GALNT5: variants seen among roughly 807,000 people sequenced by gnomAD.
The protein encoded by GALNT5 is polypeptide N-acetylgalactosaminyltransferase 5.
GALNT5 carries 72 observed loss-of-function variants against 85.4 expected under a neutral mutation model. That is an observed-to-expected ratio of 0.84 (90% CI 0.70 to 1.03). The LOEUF is 1.03. Ranked by LOEUF, GALNT5 falls within the 50% of genes least tolerant of loss-of-function variation. The pLI is 0.00. For missense variants in GALNT5, 1,137 were observed against 1,135.5 expected (o/e 1.00, Z -0.02); for synonymous variants, 404 against 397.0 (o/e 1.02, Z -0.21).
intron 7 of GALNT5, among the ~76,000 whole-genome samples, chr2:157,303,580 T>C (rs886269770): frequency 2.0e-5 from 3 of 152,098 alleles, no homozygotes; most frequent in Admixed American, 1.3e-4. Flanking sequence ...TGAAAACAAC[T>C]AATAATGAAA....
chr2:157,275,605 C>T (rs1218596699), intron 1 of GALNT5, among the ~76,000 whole-genome samples: 1 of 152,176 alleles, frequency 6.6e-6, no homozygotes, highest in Admixed American at 6.5e-5. Flanking sequence ...TCGGAGTTCA[C>T]TAATGATTTG....
intron 5 of GALNT5, 57 bp downstream of exon 5, chr2:157,296,570 T>TA (rs1317682010): frequency 3.2e-5 from 44 of 1,373,126 alleles, no homozygotes; most frequent in Admixed American, 8.8e-5. Context: ...GTAAAAGCAT[T>TA]AAAAAATTCT....
chr2:157,277,209 T>C (rs1290998116), intron 1 of GALNT5, among the ~76,000 whole-genome samples: 1 of 152,248 alleles, frequency 6.6e-6, no homozygotes, highest in Non-Finnish European at 1.5e-5. Context: ...ATTTCTGTTA[T>C]TTTACATTTG....
Position 157,299,613 on chromosome 2 carries a change from A to G in GALNT5, c.2063A>G (p.Tyr688Cys). 1 of 1,613,430 alleles carries G rather than the reference A, an allele frequency of 6.2e-7. No homozygotes were observed. Among genetic ancestry groups the G allele is most frequent in the Non-Finnish European group, 8.5e-7 (1 of 1,179,350 alleles). Residue 688 changes from tyrosine to cysteine, a missense_variant, in exon 6 of 10, where the codon TAC becomes TGC. Transcript: ENST00000259056. The part of the protein sequence containing the change: ...DKSYFFELGT[Y>C]DPGLDVWGGE... Reference sequence around the variant, plus strand: ...AGTTACTTTTTTGAACTTGGAACATACGACCCTGGCCTTGATGTTTGGGGT... The same window carrying G: ...AGTTACTTTTTTGAACTTGGAACATGCGACCCTGGCCTTGATGTTTGGGGT...
Position 157,284,342 on chromosome 2 carries a change from G to A in GALNT5, c.1515G>A (p.Val505=). Residue 505 remains valine, a synonymous_variant, in exon 2 of 10, where the codon GTG becomes GTA. Transcript: ENST00000259056. ...LPTTSVIMCF[V]DEVWSTLLRS... ...CCACCAGTGTCATCATGTGCTTTGT[G>A]GATGAAGTGTGGTCCACTCTCCTGA... is the stretch of plus-strand genomic sequence containing the variant. 6.2e-7 allele frequency: 1 copy of A among 1,613,892 alleles called. No homozygotes were observed. The highest frequency in any genetic ancestry group is 8.5e-7 in the Non-Finnish European group (1 of 1,179,808).
At chr2:157,287,211 A>G (rs1044496892) in intron 3 of GALNT5, among the ~76,000 whole-genome samples, 2 of 152,200 alleles carry the variant, frequency 1.3e-5, no homozygotes, top group Non-Finnish European at 2.9e-5. Context: ...ACATTGATCC[A>G]TGAAAATATT....
At chr2:157,261,697 CT>C (rs1682343459) in intron 1 of GALNT5, among the ~76,000 whole-genome samples, 1 of 152,088 alleles carries the variant, frequency 6.6e-6, no homozygotes, top group Non-Finnish European at 1.5e-5. Flanking sequence ...ATTTTTTGTT[CT>C]TTTACCCAAA....
intron 5 of GALNT5, among the ~76,000 whole-genome samples, chr2:157,298,129 G>C (rs1186124360): frequency 3.9e-5 from 6 of 152,164 alleles, no homozygotes; most frequent in Non-Finnish European, 7.3e-5. Flanking sequence ...ATAGGGTCTG[G>C]AGGCAAGAAG....
chr2:157,296,759 C>T (rs1683221838), intron 5 of GALNT5, among the ~76,000 whole-genome samples: 1 of 152,160 alleles, frequency 6.6e-6, no homozygotes, highest in Non-Finnish European at 1.5e-5. Flanking sequence ...ATCCTGTCCC[C>T]TAGGATTTGC....
chr2:157,298,778 C>T (rs913821728), intron 5 of GALNT5: 1 of 152,280 alleles, frequency 6.6e-6, no homozygotes, highest in African/African-American at 2.4e-5. Flanking sequence ...AGAGGCAGTA[C>T]AGTGGAGTGA....
chr2:157,305,977 G>C, intron 8 of GALNT5, 148 bp downstream of exon 8: 1 of 579,032 alleles, frequency 1.7e-6, no homozygotes, highest in South Asian at 2.2e-5. Context: ...TAAACACAAA[G>C]ACAGTGACTA....
intron 1 of GALNT5, among the ~76,000 whole-genome samples, chr2:157,271,294 T>C (rs548264357): frequency 6.6e-6 from 1 of 152,170 alleles, no homozygotes; most frequent in Admixed American, 6.5e-5. Flanking sequence ...AGGTGGAGTG[T>C]GTGAGGGGAG....
chr2:157,257,984 A>ACG lies in GALNT5; in HGVS notation c.-98_-97insGC. On this transcript the variant is annotated 5_prime_UTR_variant, in exon 1 of 10. Transcript: ENST00000259056. ...CAGGGGAGGGGGTCACTTTCTGGCA[A>ACG]CTCTGCTGCTGCTGCTGCTGCTGCT... The ACG allele has an allele frequency of 8.5e-7, 1 of 1,173,888 alleles. No homozygotes were observed. The highest frequency in any genetic ancestry group is 1.2e-6 in the Non-Finnish European group (1 of 829,334). 72.7% of individuals were successfully genotyped at this position (1,173,888 alleles called of 1,614,324 possible).
chr2:157,260,320 C>T (rs1047020180), intron 1 of GALNT5, among the ~76,000 whole-genome samples: 8 of 152,234 alleles, frequency 5.3e-5, no homozygotes, highest in Admixed American at 5.2e-4. Flanking sequence ...CTGGCGAGGG[C>T]GCTCAGAAGT....
intron 3 of GALNT5, among the ~76,000 whole-genome samples, chr2:157,286,997 C>G (rs1409548019): frequency 6.7e-6 from 1 of 150,058 alleles, no homozygotes; most frequent in East Asian, 2.0e-4. Flanking sequence ...TTTTGATTTC[C>G]TCTTGTTACC....
At chr2:157,305,495 A>G (rs1344588498) in intron 7 of GALNT5, among the ~76,000 whole-genome samples, 2 of 152,188 alleles carry the variant, frequency 1.3e-5, no homozygotes, top group Non-Finnish European at 2.9e-5. Flanking sequence ...GCAAGGGTTA[A>G]TTAAAAGCTT....
chr2:157,261,663 C>T (rs1682342617), intron 1 of GALNT5, among the ~76,000 whole-genome samples: 1 of 152,182 alleles, frequency 6.6e-6, no homozygotes, highest in African/African-American at 2.4e-5. Flanking sequence ...TTTTGTAGTC[C>T]TCTTCTTTGA....
intron 1 of GALNT5, among the ~76,000 whole-genome samples, chr2:157,268,853 C>T (rs1032641213): frequency 1.3e-5 from 2 of 152,018 alleles, no homozygotes; most frequent in African/African-American, 4.8e-5. Flanking sequence ...ACTCTAAATA[C>T]CTAATTTGTA....
intron 1 of GALNT5, among the ~76,000 whole-genome samples, chr2:157,281,003 C>T (rs1387264181): frequency 2.6e-5 from 4 of 152,098 alleles, no homozygotes; most frequent in Non-Finnish European, 4.4e-5. Context: ...CCTGCAGAAC[C>T]GTGAGCCAAT....
Sources: allele counts gnomAD v4.1 joint callset (sites outside exome capture counted in the v4.1 genomes callset), GRCh38; gene constraint gnomAD v4.1.1; transcripts MANE v1.5; gene names NCBI Gene and HGNC (gene_info 2026-07-23, HGNC 2026-07-21).